The following MLXIP variants were observed in gnomAD, a reference collection of about 807,000 sequenced individuals.
MLXIP encodes the protein MLX-interacting protein.
In MLXIP, 30 loss-of-function variants were observed where a neutral mutation model predicts 87.2. The ratio of observed to expected loss-of-function variants is 0.34; its 90% CI spans 0.26 to 0.47. The LOEUF is 0.47. Among genes scored for constraint, MLXIP ranks in the 20% least tolerant of loss-of-function variants. The probability of loss-of-function intolerance (pLI) is 1.00; values close to 1 mark genes in which losing one functional copy is unlikely to be tolerated. For missense variants in MLXIP, 1,002 were observed against 1,240.1 expected, an observed-to-expected ratio of 0.81 and a Z score of 2.88; for synonymous variants, 530 against 514.0, an observed-to-expected ratio of 1.03 and a Z score of -0.42.
At chr12:122,082,202 G>T (rs1952101194) in intron 1 of MLXIP, among the ~76,000 whole-genome samples, 1 of 152,136 alleles carries the variant, frequency 6.6e-6, no homozygotes, top group Non-Finnish European at 1.5e-5. Context: ...GCTGGGTAGG[G>T]AACCGTGCAG....
Position 122,133,732 on chromosome 12 carries a change from A to C in MLXIP, c.1477A>C (p.Thr493Pro). The change falls in exon 9 of 17, where the codon ACC (threonine) becomes CCC (proline). Residue 493 changes from threonine (T) to proline (P), a missense_variant. By Grantham distance (38) the Thr-to-Pro change is conservative. This residue lies in a region of MLXIP where 746 missense variants were observed against 897.0 expected (regional missense o/e 0.83). Coordinates refer to ENST00000319080, the MANE Select transcript of MLXIP (RefSeq NM_014938.6). This position sits in a 1 kb window ranked among gnomAD's most constrained non-coding sequence, Gnocchi z 4.9. ...VITHTASATL[T>P]HDAPATTFSQ... ...CACCCACACGGCCTCTGCCACCCTC[A>C]CCCACGATGCCCCCGCCACCACCTT... 2 of 1,612,538 alleles carry C rather than the reference A, an allele frequency of 1.2e-6. No individual in the cohort carries two copies. The highest frequency in any genetic ancestry group is 1.7e-6 in the Non-Finnish European group (2 of 1,179,538).
At chr12:122,082,516 C>A (rs1017246542) in intron 1 of MLXIP, among the ~76,000 whole-genome samples, 2 of 152,140 alleles carry the variant, frequency 1.3e-5, no homozygotes, top group Non-Finnish European at 2.9e-5. Flanking sequence ...AAGTAACACA[C>A]AAGAGGAGGG....
At position 122,078,888 on chromosome 12, in the gene MLXIP, G is replaced by C. The variant is rs1165119130; in HGVS notation, c.35G>C (p.Arg12Pro). ...GACGTCTTCATGTGCTCCCCGCGCC[G>C]GCCTCGCAGCCGGGGCCGCCAGGTG... is the stretch of plus-strand genomic sequence containing the variant. ...AADVFMCSPR[R>P]PRSRGRQVLL... The change falls in exon 1 of 17, where the codon CGG becomes CCG. Residue 12 changes from arginine to proline, a missense_variant. Physicochemically the swap from Arg to Pro is moderately radical, Grantham distance 103. Coordinates refer to ENST00000319080, the MANE Select transcript of MLXIP (RefSeq NM_014938.6). The C allele has an allele frequency of 8.8e-6, 10 of 1,137,154 alleles. No homozygotes were observed. Among genetic ancestry groups the C allele is most frequent in the Non-Finnish European group, 9.7e-6 (9 of 923,472 alleles). The allele number at this position is 1,137,154 out of a possible 1,614,324, so 70.4% of individuals were successfully genotyped here.
At chr12:122,138,028 G>T (rs1262314432) in intron 12 of MLXIP, among the ~76,000 whole-genome samples, 166 bp from the exon 13 acceptor site, 2 of 152,190 alleles carry the variant, frequency 1.3e-5, no homozygotes, top group African/African-American at 4.8e-5. Context: ...TCCCAGTCTT[G>T]TCCCTCCGGC....
At chr12:122,115,602 A>AAAT (rs1701327806) in intron 1 of MLXIP, among the ~76,000 whole-genome samples, 1 of 151,330 alleles carries the variant, frequency 6.6e-6, no homozygotes, top group Admixed American at 6.6e-5. Context: ...AAAAAAAAAA[A>AAAT]AAAGACCAGT....
intron 1 of MLXIP, among the ~76,000 whole-genome samples, chr12:122,109,496 T>C (rs1952570771): frequency 6.6e-6 from 1 of 152,242 alleles, no homozygotes; most frequent in African/African-American, 2.4e-5. Flanking sequence ...AATTGTTGCT[T>C]TTCACAGACA....
Position 122,138,263 on chromosome 12 carries a change from C to A in MLXIP, c.2224C>A (p.Leu742Ile), listed in dbSNP as rs778333688. The part of the protein sequence containing the change: ...RFNIKMCFDM[L>I]NSLISNNSKL... ...CAACATCAAGATGTGCTTCGACATG[C>A]TCAACAGCCTCATCTCCAACAATTC... The change falls in exon 13 of 17, where the codon CTC becomes ATC. Residue 742 changes from leucine (L) to isoleucine (I), a missense_variant. Around this residue, in one of 3 missense-constraint regions of MLXIP, gnomAD observed 746 missense variants for 897.0 expected, o/e 0.83. Coordinates refer to ENST00000319080, the MANE Select transcript of MLXIP (RefSeq NM_014938.6). The A allele has an allele frequency of 2.7e-5, 43 of 1,613,482 alleles. No individual in the cohort carries two copies. Among genetic ancestry groups the A allele is most frequent in the Non-Finnish European group, 4.2e-6 (5 of 1,179,784 alleles).
chr12:122,144,702 A>G lies in MLXIP; in HGVS notation c.*2890A>G, dbSNP rs953271867. Reference sequence around the variant, plus strand: ...GGAGTTCACAACCAGCCTGACCAACATGGTGAAACCCTGTCTATACTAAAA... The same window carrying G: ...GGAGTTCACAACCAGCCTGACCAACGTGGTGAAACCCTGTCTATACTAAAA... On this transcript the variant is annotated 3_prime_UTR_variant, in exon 17 of 17. Coordinates refer to ENST00000319080, the MANE Select transcript of MLXIP (RefSeq NM_014938.6). 2 of 152,212 alleles carry G rather than the reference A, an allele frequency of 1.3e-5. No homozygotes were observed. Among genetic ancestry groups the G allele is most frequent in the Non-Finnish European group, 2.9e-5 (2 of 68,056 alleles). 9.4% of individuals were successfully genotyped at this position (152,212 alleles called of 1,614,324 possible).
Position 122,137,796 on chromosome 12 carries a change from C to A in MLXIP, c.2154+206C>A. 2.9e-6 allele frequency: 1 copy of A among 340,884 alleles called. No individual in the cohort carries two copies. Among genetic ancestry groups the A allele is most frequent in the Non-Finnish European group, 4.2e-6 (1 of 240,876 alleles). The allele number at this position is 340,884 out of a possible 1,614,324, so 21.1% of individuals were successfully genotyped here. A position where few individuals can be genotyped will look rare whatever the true frequency, so the allele number is the denominator to read the frequency against. The stretch of plus-strand genomic sequence containing the variant: ...CCCCCTGGAGGCTTTTGGGTGAGCC[C>A]CAAGCCTGGGAGCCAACGCTGAGTC... On this transcript the variant is annotated intron_variant, in intron 12 of 16. Coordinates refer to ENST00000319080, the MANE Select transcript of MLXIP (RefSeq NM_014938.6). This position sits in a 1 kb window ranked among gnomAD's most constrained non-coding sequence, Gnocchi z 4.1.
chr12:122,120,986 G>T (rs1952769883), intron 1 of MLXIP, among the ~76,000 whole-genome samples: 1 of 139,536 alleles, frequency 7.2e-6, no homozygotes, highest in Non-Finnish European at 1.6e-5. Context: ...TATAACGATA[G>T]CCCCAGAGCC....
chr12:122,091,477 T>C (rs36127386), intron 1 of MLXIP, among the ~76,000 whole-genome samples: 70,131 of 151,946 alleles, frequency 0.46, 16,393 homozygotes, highest in Middle Eastern at 0.63. Context: ...GCAGGTGCAT[T>C]GCTTGAGCTC....
intron 1 of MLXIP, among the ~76,000 whole-genome samples, chr12:122,123,895 C>G (rs1213816335): frequency 6.6e-6 from 1 of 152,178 alleles, no homozygotes; most frequent in Non-Finnish European, 1.5e-5. Flanking sequence ...CTGCCTCGAT[C>G]AGGCTGAGTT....
chr12:122,132,869 A>G (rs1438748429), intron 8 of MLXIP: 1 of 169,070 alleles, frequency 5.9e-6, no homozygotes, highest in African/African-American at 2.4e-5. Context: ...ACCATCTTCA[A>G]ACGGGCTCCG....
intron 1 of MLXIP, among the ~76,000 whole-genome samples, chr12:122,094,167 C>T (rs1481083123): frequency 9.1e-6 from 1 of 109,644 alleles, no homozygotes; most frequent in African/African-American, 3.8e-5. Context: ...TTTGCAGTGT[C>T]TGTGTGTGGT....
At chr12:122,096,686 C>T (rs563940092) in intron 1 of MLXIP, among the ~76,000 whole-genome samples, 12 of 152,324 alleles carry the variant, frequency 7.9e-5, no homozygotes, top group African/African-American at 2.2e-4. Flanking sequence ...AGGGGTAGAA[C>T]GCACAGTCAG....
At chr12:122,103,435 G>A (rs760711767) in intron 1 of MLXIP, among the ~76,000 whole-genome samples, 4 of 151,696 alleles carry the variant, frequency 2.6e-5, no homozygotes, top group Non-Finnish European at 4.4e-5. Flanking sequence ...TGTTGGCCAG[G>A]CTGATCTTGA....
chr12:122,140,765 C>A (rs1273108075), intron 15 of MLXIP, 189 bp from the exon 16 acceptor site: 2 of 851,202 alleles, frequency 2.3e-6, no homozygotes, highest in Non-Finnish European at 1.9e-6. Flanking sequence ...ACAGTTAGAG[C>A]AGAGTGTTTT....
chr12:122,137,642 G>A lies in MLXIP; in HGVS notation c.2154+52G>A. 4 of 1,583,872 alleles carry A rather than the reference G, an allele frequency of 2.5e-6. No homozygotes were observed. Among genetic ancestry groups the A allele is most frequent in the Non-Finnish European group, 3.4e-6 (4 of 1,166,330 alleles). ...TTGGGAGGAGGGGAGAGGAGTGCAG[G>A]ACATCAAGGATCTGTGTCTTGTCTG... On this transcript the variant is annotated intron_variant, in intron 12 of 16. Coordinates refer to ENST00000319080, the MANE Select transcript of MLXIP (RefSeq NM_014938.6). The surrounding 1 kb of genome is among the most constrained non-coding windows in gnomAD (Gnocchi z 4.1).
rs753489983 is a variant in MLXIP at position 122,135,504 on chromosome 12, G to C, written c.1870G>C (p.Glu624Gln). The stretch of plus-strand genomic sequence containing the variant: ...GTCACTGCAGGCTCCTGGGGTCCCG[G>C]AGTTCCACAGCAGCATCCTGGTGAC... ...AAIARAPGVP[E>Q]FHSSILVTDL... Residue 624 changes from glutamate (E) to glutamine (Q), a missense_variant, in exon 11 of 17, where the codon GAG becomes CAG. By Grantham distance (29) the Glu-to-Gln change is conservative. This residue lies in a region of MLXIP where 746 missense variants were observed against 897.0 expected (regional missense o/e 0.83). Coordinates refer to ENST00000319080, the MANE Select transcript of MLXIP (RefSeq NM_014938.6). The surrounding 1 kb of genome is among the most constrained non-coding windows in gnomAD (Gnocchi z 5.3). 6.2e-7 allele frequency: 1 copy of C among 1,609,598 alleles called. No individual in the cohort carries two copies. The highest frequency in any genetic ancestry group is 1.1e-5 in the South Asian group (1 of 90,292).
Sources: allele counts gnomAD v4.1 joint callset (sites outside exome capture counted in the v4.1 genomes callset), GRCh38; gene constraint gnomAD v4.1.1; regional missense constraint gnomAD v4.1.1; non-coding constraint Gnocchi (gnomAD v3.1); transcripts MANE v1.5; gene names NCBI Gene and HGNC (gene_info 2026-07-23, HGNC 2026-07-21).